Variants in DPYD observed in about 807,000 individuals in gnomAD.
DPYD encodes dihydropyrimidine dehydrogenase, also known as dihydropyrimidine dehydrogenase [NADP(+)].
DPYD carries 109 observed loss-of-function variants against 116.2 expected under a neutral mutation model. That is an observed-to-expected ratio of 0.94 (90% CI 0.80 to 1.10). The LOEUF (loss-of-function observed/expected upper bound fraction) is 1.10, where lower values mean the gene tolerates loss of function less well. Ranked by LOEUF, DPYD falls within the 50% of genes least tolerant of loss-of-function variation. DPYD has a pLI of 0.00. For synonymous variants in DPYD, 440 were observed against 432.0 expected, an observed-to-expected ratio of 1.02 and a Z score of -0.23; for missense variants, 1,302 against 1,254.5, an observed-to-expected ratio of 1.04 and a Z score of -0.57.
chr1:97,529,770 CTTCT>C (rs71071660), intron 12 of DPYD, among the ~76,000 whole-genome samples: 14,151 of 119,390 alleles, frequency 0.12, 912 homozygotes, highest in Middle Eastern at 0.23. Context: ...CTTTCTCTTT[CTTCT>C]TTCTTTCTCT....
chr1:97,489,234 T>C (rs1156662411), intron 13 of DPYD, among the ~76,000 whole-genome samples: 1 of 152,232 alleles, frequency 6.6e-6, no homozygotes, highest in Non-Finnish European at 1.5e-5. Flanking sequence ...ATTTTTGGTA[T>C]GTGCTACATT....
intron 12 of DPYD, among the ~76,000 whole-genome samples, chr1:97,548,230 T>C (rs949319559): frequency 3.9e-5 from 6 of 152,096 alleles, no homozygotes; most frequent in African/African-American, 1.4e-4. Flanking sequence ...TCCAGGAACA[T>C]TTTACATAAA....
chr1:97,214,211 G>T lies in DPYD; in HGVS notation c.2442+20641C>A, dbSNP rs189134997. 1.6e-3 allele frequency among the ~76,000 whole-genome samples: 248 copies of T among 152,174 alleles called. 1 individual carries two copies. The highest frequency in any genetic ancestry group is 5.8e-3 in the African/African-American group (241 of 41,522). On this transcript the variant is annotated intron_variant, in intron 19 of 22. Transcript: ENST00000370192. The stretch of plus-strand genomic sequence containing the variant: ...ACCATCCAACTTAGCCTTCTGTATT[G>T]CATCCTGGGAGTGACTTGATTTAGG...
In DPYD at chr1:97,599,980, G is replaced by A. The variant is rs573417029; in HGVS notation, c.851-4814C>T. On this transcript the variant is annotated intron_variant, in intron 8 of 22. Transcript: ENST00000370192. ...AGAATCGCTGCACCTGGGAGGCAGAGGTTGCAGTGAGCTGAGATCGCACCA... is the reference window on the plus strand; with the variant it reads ...AGAATCGCTGCACCTGGGAGGCAGAAGTTGCAGTGAGCTGAGATCGCACCA... Among the ~76,000 whole-genome samples, 3 of 151,464 alleles carry A rather than the reference G, an allele frequency of 2.0e-5. No homozygotes were observed. In the East Asian group the frequency reaches 5.8e-4, roughly 29 times the overall value.
intron 8 of DPYD, among the ~76,000 whole-genome samples, chr1:97,654,641 T>C (rs1658793808): frequency 6.6e-6 from 1 of 152,118 alleles, no homozygotes. Context: ...ATTTGATCAC[T>C]ACATTGTTCT....
chr1:97,409,997 T>A (rs1046725404), intron 14 of DPYD, among the ~76,000 whole-genome samples: 2 of 150,764 alleles, frequency 1.3e-5, no homozygotes, highest in Non-Finnish European at 1.5e-5. Context: ...ACCGGGGAGG[T>A]GAAGGTTGCA....
chr1:97,405,902 A>G (rs1365053113), intron 14 of DPYD, among the ~76,000 whole-genome samples: 1 of 152,088 alleles, frequency 6.6e-6, no homozygotes, highest in Non-Finnish European at 1.5e-5. Flanking sequence ...CCATATTATG[A>G]AATGGTTCTT....
chr1:97,813,832 CCTTTAATGAAG>C (rs1469882709), intron 3 of DPYD, among the ~76,000 whole-genome samples: 5 of 151,480 alleles, frequency 3.3e-5, no homozygotes, highest in African/African-American at 1.2e-4. Flanking sequence ...TTCCTGTATT[CCTTTAATGAAG>C]CTTTCTCTAA....
intron 8 of DPYD, among the ~76,000 whole-genome samples, chr1:97,597,525 T>C (rs2102266715): frequency 6.6e-6 from 1 of 152,324 alleles, no homozygotes; most frequent in Admixed American, 6.5e-5. Context: ...GGCTAGGCTA[T>C]AACACCCGTT....
chr1:97,489,286 C>T (rs1678835051), intron 13 of DPYD, among the ~76,000 whole-genome samples: 1 of 152,134 alleles, frequency 6.6e-6, no homozygotes, highest in Admixed American at 6.5e-5. Context: ...CATGTTCCTA[C>T]CTTGAAGTTA....
At chr1:97,508,469 G>A (rs1057199339) in intron 13 of DPYD, among the ~76,000 whole-genome samples, 1 of 151,908 alleles carries the variant, frequency 6.6e-6, no homozygotes, top group East Asian at 1.9e-4. Flanking sequence ...AAATCAAAAT[G>A]CTCTCTTGTA....
At chr1:97,655,402 G>A (rs1658848927) in intron 8 of DPYD, among the ~76,000 whole-genome samples, 1 of 152,128 alleles carries the variant, frequency 6.6e-6, no homozygotes, top group Admixed American at 6.5e-5. Context: ...CTCAAATAGA[G>A]CGAGACACAT....
intron 16 of DPYD, among the ~76,000 whole-genome samples, chr1:97,350,329 T>C (rs1357156690): frequency 1.3e-5 from 2 of 152,198 alleles, no homozygotes; most frequent in Non-Finnish European, 2.9e-5. Flanking sequence ...TTAGTACTAA[T>C]CTGAAGCTTA....
At chr1:97,092,119 T>C (rs1288457147) in intron 21 of DPYD, among the ~76,000 whole-genome samples, 1 of 152,168 alleles carries the variant, frequency 6.6e-6, no homozygotes, top group Non-Finnish European at 1.5e-5. Context: ...CTAAGCTTGT[T>C]CTATTTTCTC....
intron 3 of DPYD, among the ~76,000 whole-genome samples, chr1:97,826,829 C>G (rs531501612): frequency 6.6e-6 from 1 of 151,892 alleles, no homozygotes; most frequent in South Asian, 2.1e-4. Flanking sequence ...TTTTATTTTT[C>G]CCTCTTTTTT....
At chr1:97,392,502 C>T (rs1180031328) in intron 14 of DPYD, among the ~76,000 whole-genome samples, 1 of 151,972 alleles carries the variant, frequency 6.6e-6, no homozygotes. Context: ...GATTGATTGA[C>T]TCCTCCTTTC....
At chr1:97,541,785 GA>G (rs1650468047) in intron 12 of DPYD, among the ~76,000 whole-genome samples, 1 of 152,016 alleles carries the variant, frequency 6.6e-6, no homozygotes, top group South Asian at 2.1e-4. Flanking sequence ...ACTAATTAAG[GA>G]ATTCATTTAG....
chr1:97,376,887 G>GTGTGTGTATATATATATATATATATATA, intron 15 of DPYD, among the ~76,000 whole-genome samples: 56 of 128,434 alleles, frequency 4.4e-4, no homozygotes, highest in East Asian at 1.0e-3. Context: ...GTGTGTGTGT[G>GTGTGTGTATATATATATATATATATATA]TATATATATA....
intron 2 of DPYD, among the ~76,000 whole-genome samples, chr1:97,838,035 A>T (rs1669852348): frequency 6.6e-6 from 1 of 152,196 alleles, no homozygotes; most frequent in Non-Finnish European, 1.5e-5. Flanking sequence ...AAAATAAAAA[A>T]GAATTTTTTG....
Sources: allele counts gnomAD v4.1 joint callset (sites outside exome capture counted in the v4.1 genomes callset), GRCh38; gene constraint gnomAD v4.1.1; transcripts MANE v1.5; gene names NCBI Gene and HGNC (gene_info 2026-07-23, HGNC 2026-07-21).